The following SLC4A5 variants were observed in gnomAD, a reference collection of about 807,000 sequenced individuals.
The protein encoded by SLC4A5 is solute carrier family 4 member 5, also known as electrogenic sodium bicarbonate cotransporter 4.
Under a neutral mutation model 120.4 loss-of-function variants are expected in SLC4A5, and 96 were observed. That is an observed-to-expected ratio of 0.80 (90% CI 0.68 to 0.94). The LOEUF (loss-of-function observed/expected upper bound fraction) is 0.94. Ranked by LOEUF, SLC4A5 falls within the 40% of genes least tolerant of loss-of-function variation. The pLI is 0.00. For synonymous variants in SLC4A5, 550 were observed against 571.1 expected, an observed-to-expected ratio of 0.96 and a Z score of 0.53; for missense variants, 1,259 against 1,459.5, an observed-to-expected ratio of 0.86 and a Z score of 2.24.
chr2:74,239,342 G>T (rs914995786), exon 21 of SLC4A5: 2 of 1,614,088 alleles, frequency 1.2e-6, no homozygotes, highest in Non-Finnish European at 1.7e-6. Flanking sequence ...TACCTTGGTA[G>T]GAAAATAGCG....
chr2:74,220,056 T>G (rs1189469822), intron 30 of SLC4A5, among the ~76,000 whole-genome samples: 1 of 152,240 alleles, frequency 6.6e-6, no homozygotes, highest in African/African-American at 2.4e-5. Flanking sequence ...TCTTCTAGAC[T>G]TGGGATAGCC....
At chr2:74,252,478 C>A in intron 15 of SLC4A5, 90 bp from the exon 16 acceptor site, 3 of 1,481,230 alleles carry the variant, frequency 2.0e-6, no homozygotes, top group Admixed American at 2.0e-5. Flanking sequence ...AAAAGACAGA[C>A]AAAAATGCAG....
At chr2:74,272,114 A>G (rs1000597338) in intron 8 of SLC4A5, among the ~76,000 whole-genome samples, 1 of 152,184 alleles carries the variant, frequency 6.6e-6, no homozygotes, top group Non-Finnish European at 1.5e-5. Context: ...TTTTAGAGAC[A>G]TAATGAAATA....
At chr2:74,309,837 T>C (rs1046446660) in intron 6 of SLC4A5, among the ~76,000 whole-genome samples, 13 of 151,664 alleles carry the variant, frequency 8.6e-5, no homozygotes, top group African/African-American at 1.7e-4. Context: ...TTTTTTTGTA[T>C]TTTTTTAGTA....
chr2:74,238,068 C>T (rs1670324557), intron 21 of SLC4A5, among the ~76,000 whole-genome samples: 1 of 152,120 alleles, frequency 6.6e-6, no homozygotes, highest in Admixed American at 6.5e-5. Context: ...TGCCATTTCA[C>T]TCCCACCTGG....
At chr2:74,320,867 G>A (rs1673078190) in intron 5 of SLC4A5, among the ~76,000 whole-genome samples, 1 of 152,172 alleles carries the variant, frequency 6.6e-6, no homozygotes. Flanking sequence ...ACTGTTGCAA[G>A]AGGATACAAA....
At chr2:74,297,746 C>A (rs1195198573) in intron 7 of SLC4A5, among the ~76,000 whole-genome samples, 2 of 152,138 alleles carry the variant, frequency 1.3e-5, no homozygotes, top group Admixed American at 1.3e-4. Context: ...CTGCTTCAGT[C>A]AAAATTGATT....
intron 4 of SLC4A5, among the ~76,000 whole-genome samples, chr2:74,329,254 T>C (rs1266319670): frequency 1.3e-5 from 2 of 152,122 alleles, no homozygotes; most frequent in African/African-American, 4.8e-5. Flanking sequence ...GGGGTATAGA[T>C]AGAGGTGTGA....
chr2:74,327,391 C>A (rs1018378699), intron 5 of SLC4A5, among the ~76,000 whole-genome samples: 3 of 152,146 alleles, frequency 2.0e-5, no homozygotes, highest in Non-Finnish European at 2.9e-5. Context: ...TGAACTGAAT[C>A]GACAAGAATG....
At chr2:74,316,321 TAAAAAAA>T (rs60481743) in intron 5 of SLC4A5, among the ~76,000 whole-genome samples, 1,116 of 51,202 alleles carry the variant, frequency 0.022, 10 homozygotes, top group Middle Eastern at 0.045. Flanking sequence ...AAAAGAGTTG[TAAAAAAA>T]AAAAAAAAAA....
At chr2:74,321,994 T>C (rs1331631138) in intron 5 of SLC4A5, among the ~76,000 whole-genome samples, 1 of 152,030 alleles carries the variant, frequency 6.6e-6, no homozygotes, top group African/African-American at 2.4e-5. Flanking sequence ...GAATGCACAG[T>C]TTGTCCTTTA....
chr2:74,244,881 T>G (rs1670562024), intron 19 of SLC4A5, among the ~76,000 whole-genome samples: 2 of 152,176 alleles, frequency 1.3e-5, no homozygotes, highest in Non-Finnish European at 2.9e-5. Context: ...TGAGGTGACA[T>G]CAGGCACCTG....
chr2:74,243,199 AG>A (rs770060174), intron 19 of SLC4A5, among the ~76,000 whole-genome samples: 1 of 152,182 alleles, frequency 6.6e-6, no homozygotes. Context: ...GAGAGTTTCA[AG>A]GAACCACTGT....
In SLC4A5 at chr2:74,335,889, T is replaced by TAAA. The variant is rs1450204916; in HGVS notation, c.-220-1713_-220-1712insTTT. ...GCAAATATGCTTAAGTTCAGACATT[T>TAAA]ATATATATTTTAAATACAATTCCAA... On this transcript the variant is annotated intron_variant, in intron 3 of 30. Coordinates refer to ENST00000394019, the Ensembl canonical transcript of SLC4A5. Among the ~76,000 whole-genome samples the TAAA allele has an allele frequency of 6.2e-4, 95 of 152,280 alleles. 1 individual carries two copies. The highest frequency in any genetic ancestry group is 2.2e-3 in the African/African-American group (92 of 41,542).
chr2:74,267,200 C>A (rs927379571), intron 8 of SLC4A5, among the ~76,000 whole-genome samples: 7 of 152,186 alleles, frequency 4.6e-5, no homozygotes, highest in African/African-American at 1.7e-4. Context: ...GGTGGCCTCT[C>A]ATCTGCTGCA....
At chr2:74,251,715 G>C (rs1187003482) in intron 16 of SLC4A5, among the ~76,000 whole-genome samples, 1 of 152,192 alleles carries the variant, frequency 6.6e-6, no homozygotes, top group Non-Finnish European at 1.5e-5. Flanking sequence ...GGCAGAGCCG[G>C]GGGTGATGCG....
intron 5 of SLC4A5, among the ~76,000 whole-genome samples, chr2:74,323,668 C>T (rs895006041): frequency 6.6e-6 from 1 of 152,080 alleles, no homozygotes; most frequent in Non-Finnish European, 1.5e-5. Context: ...AGAAAAAAGA[C>T]AGCAATGAGA....
At chr2:74,272,662 T>A (rs1671513429) in intron 8 of SLC4A5, among the ~76,000 whole-genome samples, 1 of 152,230 alleles carries the variant, frequency 6.6e-6, no homozygotes, top group South Asian at 2.1e-4. Context: ...GGAATGTAGC[T>A]AAAAGGAACC....
intron 27 of SLC4A5, among the ~76,000 whole-genome samples, chr2:74,226,069 G>T (rs1694832299): frequency 6.6e-6 from 1 of 152,158 alleles, no homozygotes; most frequent in African/African-American, 2.4e-5. Context: ...CTGCAGTGGG[G>T]GTTCTCAACC....
Sources: gnomAD v4.1 joint callset for allele counts (sites outside exome capture counted in the v4.1 genomes callset) on GRCh38, gnomAD v4.1.1 for gene constraint, MANE v1.5 for transcripts, NCBI Gene and HGNC (gene_info 2026-07-23, HGNC 2026-07-21) for gene names.